The following GRM7 variants were observed in gnomAD, a reference collection of about 807,000 sequenced individuals.
GRM7 encodes metabotropic glutamate receptor 7.
A neutral mutation model predicts 84.5 loss-of-function variants in GRM7; 35 were observed. The observed-to-expected ratio is 0.41, with a 90% CI of 0.32 to 0.55. The LOEUF is 0.55. Among genes scored for constraint, GRM7 ranks in the 20% least tolerant of loss-of-function variants. The pLI, the probability that GRM7 is intolerant of heterozygous loss-of-function variation, is 0.19. For synonymous variants in GRM7, 487 were observed against 455.1 expected (o/e 1.07, Z -0.89); for missense variants, 1,003 against 1,194.6 (o/e 0.84, Z 2.36).
chr3:7,116,042 T>A (rs1221511927), intron 1 of GRM7, among the ~76,000 whole-genome samples: 1 of 152,148 alleles, frequency 6.6e-6, no homozygotes, highest in Non-Finnish European at 1.5e-5. Flanking sequence ...CTGCAAACTT[T>A]ACAGGGAAGA....
chr3:6,983,582 C>G (rs1356458912), intron 1 of GRM7, among the ~76,000 whole-genome samples: 1 of 152,046 alleles, frequency 6.6e-6, no homozygotes, highest in Non-Finnish European at 1.5e-5. Context: ...ATAAAATGAA[C>G]TCAAGGTTAA....
Position 7,146,533 on chromosome 3 carries a change from C to T in GRM7, c.601C>T (p.Pro201Ser). The change falls in exon 2 of 10, where the codon CCC (proline) becomes TCC (serine). Residue 201 changes from proline (P) to serine (S), a missense_variant. By Grantham distance (74) the Pro-to-Ser change is moderately conservative. Coordinates refer to ENST00000357716, the MANE Select transcript of GRM7 (RefSeq NM_000844.4). ...RYDFFSRVVP[P>S]DSFQAQAMVD... is the part of the protein sequence containing the mutation. ...TGACTTCTTCTCTCGCGTGGTGCCA[C>T]CCGATTCCTTCCAAGCCCAGGCCAT... The T allele has an allele frequency of 6.2e-7, 1 of 1,613,998 alleles. No individual in the cohort carries two copies. The highest frequency in any genetic ancestry group is 8.5e-7 in the Non-Finnish European group (1 of 1,179,954).
At chr3:7,253,012 TA>T (rs539835390) in intron 2 of GRM7, among the ~76,000 whole-genome samples, 3,909 of 70,810 alleles carry the variant, frequency 0.055, 159 homozygotes, top group African/African-American at 0.18. Context: ...TGGCTTTTCT[TA>T]AAAAAAAAAA....
At position 7,042,526 on chromosome 3, in the gene GRM7, T is replaced by C. The variant is rs564913469; in HGVS notation, c.520-103926T>C. Reference sequence around the variant, plus strand: ...GTTTGCTTGTTTTCCCCCCATTCTTTCTTTTTCTCTGTGTTTTCTTGGGTC... The same window carrying C: ...GTTTGCTTGTTTTCCCCCCATTCTTCCTTTTTCTCTGTGTTTTCTTGGGTC... On this transcript the variant is annotated intron_variant, in intron 1 of 9. Transcript: ENST00000357716. 7.2e-5 allele frequency among the ~76,000 whole-genome samples: 11 copies of C among 152,314 alleles called. No individual in the cohort carries two copies. The South Asian group carries it at 1.2e-3, about 17-fold the overall frequency.
chr3:7,568,409 C>T (rs926776997), intron 7 of GRM7, among the ~76,000 whole-genome samples: 4 of 152,252 alleles, frequency 2.6e-5, no homozygotes, highest in African/African-American at 7.2e-5. Context: ...GAGCAAGTGA[C>T]GTCTTACAAA....
intron 2 of GRM7, among the ~76,000 whole-genome samples, chr3:7,260,135 TG>T (rs1698365916): frequency 6.6e-6 from 1 of 151,908 alleles, no homozygotes; most frequent in Non-Finnish European, 1.5e-5. Flanking sequence ...CACTTTTCAA[TG>T]TTTTTTTTTT....
At chr3:7,733,154 T>C (rs572105064) in intron 9 of GRM7, among the ~76,000 whole-genome samples, 1 of 152,334 alleles carries the variant, frequency 6.6e-6, no homozygotes, top group South Asian at 2.1e-4. Context: ...ACCTCCTCTC[T>C]CATCCTGTGA....
intron 1 of GRM7, among the ~76,000 whole-genome samples, chr3:6,911,625 C>A (rs536457418): frequency 1.3e-5 from 2 of 152,052 alleles, no homozygotes; most frequent in African/African-American, 2.4e-5. Context: ...GGAAAGTAAC[C>A]AAATAACCCA....
chr3:6,945,266 T>C (rs1222312082), intron 1 of GRM7, among the ~76,000 whole-genome samples: 2 of 139,120 alleles, frequency 1.4e-5, no homozygotes, highest in East Asian at 5.0e-4. Flanking sequence ...CCTGTGTCCA[T>C]GTGTTCTCAT....
chr3:7,433,364 G>A (rs1696911620), intron 5 of GRM7, among the ~76,000 whole-genome samples: 1 of 152,200 alleles, frequency 6.6e-6, no homozygotes, highest in African/African-American at 2.4e-5. Context: ...TGGAGAAACA[G>A]CACTATATAT....
At chr3:7,454,594 TA>T (rs1453548786) in intron 6 of GRM7, among the ~76,000 whole-genome samples, 1 of 152,110 alleles carries the variant, frequency 6.6e-6, no homozygotes, top group Non-Finnish European at 1.5e-5. Context: ...CAATATCTAG[TA>T]AATCTGTATT....
At chr3:7,307,317 A>C (rs1290882216) in intron 4 of GRM7, among the ~76,000 whole-genome samples, 3 of 151,922 alleles carry the variant, frequency 2.0e-5, no homozygotes, top group Admixed American at 2.0e-4. Context: ...TTATTCTTTA[A>C]TTTGGAAAGA....
intron 2 of GRM7, among the ~76,000 whole-genome samples, chr3:7,152,009 G>A (rs991772742): frequency 2.0e-5 from 3 of 151,876 alleles, no homozygotes; most frequent in African/African-American, 7.3e-5. Flanking sequence ...GGTGTTTGGT[G>A]GTTCCAGCTT....
chr3:7,350,927 G>T (rs1693112751), intron 4 of GRM7, among the ~76,000 whole-genome samples: 1 of 152,038 alleles, frequency 6.6e-6, no homozygotes, highest in Admixed American at 6.6e-5. Flanking sequence ...TACAACCAGA[G>T]GGGTGATCTC....
chr3:7,671,635 C>T (rs1198883696), intron 8 of GRM7, among the ~76,000 whole-genome samples: 1 of 150,670 alleles, frequency 6.6e-6, no homozygotes, highest in Non-Finnish European at 1.5e-5. Context: ...ATTCTATGAC[C>T]AGATGCCTGT....
chr3:7,218,787 G>A (rs1383439188), intron 2 of GRM7, among the ~76,000 whole-genome samples: 2 of 150,998 alleles, frequency 1.3e-5, no homozygotes, highest in African/African-American at 4.9e-5. Flanking sequence ...TAATATTATA[G>A]ATATTGATTT....
At chr3:7,414,243 A>C (rs1696064942) in intron 4 of GRM7, among the ~76,000 whole-genome samples, 1 of 152,110 alleles carries the variant, frequency 6.6e-6, no homozygotes, top group African/African-American at 2.4e-5. Flanking sequence ...CAACTTTATA[A>C]GTTTCCAAAG....
intron 4 of GRM7, among the ~76,000 whole-genome samples, chr3:7,329,852 A>C (rs1410443565): frequency 6.6e-6 from 1 of 152,094 alleles, no homozygotes; most frequent in East Asian, 1.9e-4. Context: ...TTTCCTTTTA[A>C]AATGTACTTA....
intron 4 of GRM7, among the ~76,000 whole-genome samples, chr3:7,390,141 C>T (rs1255991272): frequency 6.6e-6 from 1 of 152,114 alleles, no homozygotes; most frequent in Admixed American, 6.6e-5. Flanking sequence ...ATTAAATTCT[C>T]AGCTGGCATT....
Sources: gnomAD v4.1 joint callset for allele counts (sites outside exome capture counted in the v4.1 genomes callset) on GRCh38, gnomAD v4.1.1 for gene constraint, MANE v1.5 for transcripts, NCBI Gene and HGNC (gene_info 2026-07-23, HGNC 2026-07-21) for gene names.